PGBD5: variants seen among roughly 807,000 people sequenced by gnomAD.
PGBD5 encodes piggyBac transposable element derived 5, also known as piggyBac transposable element-derived protein 5.
PGBD5 carries 14 observed loss-of-function variants against 47.9 expected under a neutral mutation model. The observed-to-expected ratio is 0.29, with a 90% CI of 0.19 to 0.46. The LOEUF (loss-of-function observed/expected upper bound fraction) is 0.46. Ranked by LOEUF, PGBD5 falls within the 20% of genes least tolerant of loss-of-function variation. PGBD5 has a pLI of 1.00. For synonymous variants in PGBD5, 316 were observed against 306.3 expected (o/e 1.03, Z -0.33); for missense variants, 635 against 716.0 (o/e 0.89, Z 1.29).
chr1:230,365,668 GA>G (rs1272279954), intron 1 of PGBD5, among the ~76,000 whole-genome samples: 9 of 152,226 alleles, frequency 5.9e-5, no homozygotes. Context: ...TGGAGCAGCG[GA>G]AAATAAAGGC....
At position 230,328,232 on chromosome 1, in the gene PGBD5, G is replaced by T. The variant is rs532321188; in HGVS notation, c.1274-2817C>A. 2.6e-5 allele frequency among the ~76,000 whole-genome samples: 4 copies of T among 152,016 alleles called. No individual in the cohort carries two copies. The South Asian group carries it at 8.3e-4, about 32-fold the overall frequency. On this transcript the variant is annotated intron_variant, in intron 5 of 6. Coordinates refer to ENST00000391860, the MANE Select transcript of PGBD5 (RefSeq NM_001258311.2). ...CACTGTCCCAATCTACCTCACCACG[G>T]GACATGGGAGACCTTCTTTAACTCT... is the stretch of plus-strand genomic sequence containing the variant.
chr1:230,367,508 C>T (rs1224308827), intron 1 of PGBD5, among the ~76,000 whole-genome samples: 1 of 152,014 alleles, frequency 6.6e-6, no homozygotes, highest in African/African-American at 2.4e-5. Context: ...TTGAGACCAG[C>T]CTGGACAAGA....
At chr1:230,409,416 T>C (rs1571863676) in intron 1 of PGBD5, among the ~76,000 whole-genome samples, 1 of 152,338 alleles carries the variant, frequency 6.6e-6, no homozygotes. Flanking sequence ...ATAAAGGTTT[T>C]GCCATTATTC....
chr1:230,384,560 C>T (rs1558206737), intron 1 of PGBD5, among the ~76,000 whole-genome samples: 2 of 152,152 alleles, frequency 1.3e-5, no homozygotes, highest in African/African-American at 2.4e-5. Context: ...GCCATAGGTG[C>T]CCTCAGTTCC....
chr1:230,337,345 C>G, intron 3 of PGBD5, 57 bp from the exon 4 acceptor site: 3 of 1,478,712 alleles, frequency 2.0e-6, no homozygotes, highest in Non-Finnish European at 2.7e-6. Context: ...GCTGGGAGCC[C>G]GAGTATTCAG....
At chr1:230,394,359 C>T (rs1047487474) in intron 1 of PGBD5, among the ~76,000 whole-genome samples, 6 of 151,792 alleles carry the variant, frequency 4.0e-5, no homozygotes, top group Non-Finnish European at 8.8e-5. Flanking sequence ...GGGGAGCCTG[C>T]TCCTAGGATT....
chr1:230,402,991 G>A (rs1440148302), intron 1 of PGBD5, among the ~76,000 whole-genome samples: 2 of 152,052 alleles, frequency 1.3e-5, no homozygotes, highest in African/African-American at 2.4e-5. Flanking sequence ...TTTGTGAACC[G>A]CACATCACTC....
At chr1:230,340,724 C>T (rs978338006) in intron 3 of PGBD5, among the ~76,000 whole-genome samples, 14 of 152,178 alleles carry the variant, frequency 9.2e-5, no homozygotes, top group South Asian at 2.1e-4. Context: ...CTGGAGATGA[C>T]GATGACTCTG....
Position 230,398,370 on chromosome 1 carries a change from ATGGGCTCCCCCATG to A in PGBD5, c.331+27214_331+27227del, listed in dbSNP as rs1344692260. On this transcript the variant is annotated intron_variant, in intron 1 of 6. Transcript: ENST00000391860. Reference sequence around the variant, plus strand: ...CACAGGGCGGTCTCCATGTCTTCGCATGGGCTCCCCCATGTGTGTCTGTGTCCTCCTCTCTTCTT... The same window carrying A: ...CACAGGGCGGTCTCCATGTCTTCGCATGTGTCTGTGTCCTCCTCTCTTCTT... Among the ~76,000 whole-genome samples the A allele has an allele frequency of 2.6e-5, 4 of 151,062 alleles. No homozygotes were observed. The East Asian group carries it at 8.0e-4, about 30-fold the overall frequency.
intron 1 of PGBD5, chr1:230,367,820 A>G (rs1667862450): frequency 1.8e-6 from 2 of 1,103,620 alleles, no homozygotes; most frequent in Admixed American, 3.4e-5. Context: ...CATATCAACC[A>G]CTACAAAGAG....
intron 1 of PGBD5, among the ~76,000 whole-genome samples, chr1:230,391,664 G>C (rs528754165): frequency 4.3e-4 from 66 of 152,266 alleles, no homozygotes; most frequent in Middle Eastern, 6.8e-3. Context: ...AGGAGAGAGA[G>C]ACCTGTATTT....
At chr1:230,422,194 C>A (rs1657664422) in intron 1 of PGBD5, among the ~76,000 whole-genome samples, 1 of 151,962 alleles carries the variant, frequency 6.6e-6, no homozygotes, top group Admixed American at 6.6e-5. Flanking sequence ...GCTCAGATCC[C>A]AGCCAGCCAT....
rs77379624 is a variant in PGBD5, at chr1:230,377,046, T to C, written c.332-19725A>G. ...CAGAGAAAGGGCACTTCTCTGGGCA[T>C]AGAGCTTCCTGCCTTTGGTGCAGAG... On this transcript the variant is annotated intron_variant, in intron 1 of 6. Transcript: ENST00000391860. Among the ~76,000 whole-genome samples the C allele has an allele frequency of 9.1e-4, 139 of 152,282 alleles. No individual in the cohort carries two copies. The East Asian group carries it at 0.022, about 25-fold the overall frequency.
At chr1:230,399,219 G>A (rs1048761605) in intron 1 of PGBD5, among the ~76,000 whole-genome samples, 8 of 151,974 alleles carry the variant, frequency 5.3e-5, no homozygotes, top group Non-Finnish European at 1.0e-4. Flanking sequence ...TGTAATGACC[G>A]GCAAGCTTAA....
chr1:230,377,384 G>A (rs990427038), intron 1 of PGBD5: 9 of 1,202,254 alleles, frequency 7.5e-6, no homozygotes, highest in Admixed American at 2.0e-5. Context: ...ATCAACACGT[G>A]ATAAATCCTT....
In PGBD5 at chr1:230,425,559, A is replaced by C. The variant is rs1384598274; in HGVS notation, c.331+39T>G. ...CCACGCCTCCCCCGCGCCCGGTTCC[A>C]GCGCCGCCCCCGACATCCACCCGCG... On this transcript the variant is annotated intron_variant, in intron 1 of 6. Transcript: ENST00000391860. The surrounding 1 kb of genome is among the most constrained non-coding windows in gnomAD (Gnocchi z 4.7). The C allele has an allele frequency of 1.2e-5, 14 of 1,209,596 alleles. No individual in the cohort carries two copies. The highest frequency in any genetic ancestry group is 3.2e-5 in the African/African-American group (2 of 63,234). The allele number at this position is 1,209,596 out of a possible 1,614,324, so 74.9% of individuals were successfully genotyped here.
intron 1 of PGBD5, among the ~76,000 whole-genome samples, chr1:230,414,654 C>T (rs1657479211): frequency 6.6e-6 from 1 of 152,204 alleles, no homozygotes. Flanking sequence ...AGGCTGTGCT[C>T]CAACACCCCA....
At chr1:230,389,432 C>A (rs916244024) in intron 1 of PGBD5, among the ~76,000 whole-genome samples, 6 of 152,144 alleles carry the variant, frequency 3.9e-5, no homozygotes, top group African/African-American at 4.8e-5. Flanking sequence ...CTCAGCCTCC[C>A]AAAGTGCTGG....
At chr1:230,412,529 C>T (rs1264586558) in intron 1 of PGBD5, among the ~76,000 whole-genome samples, 1 of 151,946 alleles carries the variant, frequency 6.6e-6, no homozygotes, top group African/African-American at 2.4e-5. Flanking sequence ...GCTGGGACTA[C>T]AGGCACCCAC....
Sources: gnomAD v4.1 joint callset for allele counts (sites outside exome capture counted in the v4.1 genomes callset) on GRCh38, gnomAD v4.1.1 for gene constraint, Gnocchi (gnomAD v3.1) non-coding constraint, MANE v1.5 for transcripts, NCBI Gene and HGNC (gene_info 2026-07-23, HGNC 2026-07-21) for gene names.